The following STAG1 variants were observed in gnomAD, a reference collection of about 807,000 sequenced individuals.
The protein encoded by STAG1 is STAG1 cohesin complex component.
Under a neutral mutation model 170.9 loss-of-function variants are expected in STAG1, and 26 were observed. The ratio of observed to expected loss-of-function variants is 0.15; its 90% CI spans 0.11 to 0.21. The LOEUF is 0.21. STAG1 is among the 10% of genes least tolerant of loss of function. The probability of loss-of-function intolerance (pLI) is 1.00; values close to 1 mark genes in which losing one functional copy is unlikely to be tolerated. For synonymous variants in STAG1, 514 were observed against 497.7 expected, an observed-to-expected ratio of 1.03 and a Z score of -0.44; for missense variants, 964 against 1,509.5, an observed-to-expected ratio of 0.64 and a Z score of 5.99.
At chr3:136,474,947 A>T (rs1357656308) in intron 10 of STAG1, among the ~76,000 whole-genome samples, 1 of 152,024 alleles carries the variant, frequency 6.6e-6, no homozygotes, top group Non-Finnish European at 1.5e-5. Context: ...GTTGAGGCCC[A>T]TAGCCAGTAA....
chr3:136,628,049 C>T (rs113435786), intron 2 of STAG1, among the ~76,000 whole-genome samples: 177 of 152,286 alleles, frequency 1.2e-3, no homozygotes, highest in African/African-American at 2.5e-3. Flanking sequence ...TCATCTCGAA[C>T]TGTAATCCCC....
chr3:136,650,453 A>G (rs1335401520), intron 1 of STAG1, among the ~76,000 whole-genome samples: 4 of 152,182 alleles, frequency 2.6e-5, no homozygotes, highest in Non-Finnish European at 5.9e-5. Context: ...CATACATACT[A>G]CAAGTATTAC....
intron 3 of STAG1, among the ~76,000 whole-genome samples, chr3:136,622,107 G>A (rs1413002766): frequency 7.1e-6 from 1 of 140,266 alleles, no homozygotes; most frequent in Non-Finnish European, 1.5e-5. Context: ...AGACCAGCCT[G>A]GCCAACATGA....
chr3:136,595,239 G>C (rs1938370419), intron 4 of STAG1, among the ~76,000 whole-genome samples: 1 of 152,130 alleles, frequency 6.6e-6, no homozygotes, highest in Non-Finnish European at 1.5e-5. Context: ...AGATCTAAAA[G>C]TCAGGATGTC....
intron 21 of STAG1, among the ~76,000 whole-genome samples, chr3:136,414,820 T>C (rs1245361051): frequency 6.6e-6 from 1 of 152,144 alleles, no homozygotes; most frequent in Admixed American, 6.6e-5. Context: ...ATGAGAGAAG[T>C]GTGACTCTTC....
At chr3:136,407,744 G>A (rs912319373) in intron 21 of STAG1, among the ~76,000 whole-genome samples, 3 of 152,040 alleles carry the variant, frequency 2.0e-5, no homozygotes, top group African/African-American at 4.8e-5. Context: ...TTACAAGCAT[G>A]AGTCACTGTG....
intron 6 of STAG1, among the ~76,000 whole-genome samples, chr3:136,540,576 C>G (rs1935841287): frequency 6.6e-6 from 1 of 151,794 alleles, no homozygotes; most frequent in Non-Finnish European, 1.5e-5. Flanking sequence ...AATTCGAGCA[C>G]TTTGGGAGGC....
Position 136,724,418 on chromosome 3 carries a change from G to C in STAG1, c.-84+27777C>G, listed in dbSNP as rs529189834. Among the ~76,000 whole-genome samples, 8 of 151,314 alleles carry C rather than the reference G, an allele frequency of 5.3e-5. No homozygotes were observed. The East Asian group carries it at 1.4e-3, about 26-fold the overall frequency. ...TGCTTGAAGGCAGCATGCTCGTTAA[G>C]AGTCATCACCACTCCCTAATCTCAA... On this transcript the variant is annotated intron_variant, in intron 1 of 33. Transcript: ENST00000383202.
intron 9 of STAG1, among the ~76,000 whole-genome samples, chr3:136,485,082 C>A (rs928061869): frequency 1.3e-5 from 2 of 152,170 alleles, no homozygotes; most frequent in African/African-American, 4.8e-5. Flanking sequence ...TGTTCCTATT[C>A]GGCCATCTTG....
intron 1 of STAG1, chr3:136,736,734 C>T: frequency 5.0e-6 from 8 of 1,602,140 alleles, no homozygotes; most frequent in Non-Finnish European, 6.0e-6. Flanking sequence ...CTTTTAATTT[C>T]CAGCTCAGCA....
At chr3:136,669,209 A>C (rs986984444) in intron 1 of STAG1, among the ~76,000 whole-genome samples, 1 of 152,212 alleles carries the variant, frequency 6.6e-6, no homozygotes, top group Non-Finnish European at 1.5e-5. Context: ...TGTATTTAGA[A>C]TCCACTTGCC....
At chr3:136,404,418 A>T (rs1416957580) in intron 21 of STAG1, among the ~76,000 whole-genome samples, 1 of 152,094 alleles carries the variant, frequency 6.6e-6, no homozygotes, top group Non-Finnish European at 1.5e-5. Flanking sequence ...CTATCTTTTT[A>T]TCTTCTCCTG....
chr3:136,466,323 T>C (rs981143678), intron 12 of STAG1, among the ~76,000 whole-genome samples: 2 of 152,154 alleles, frequency 1.3e-5, no homozygotes, highest in African/African-American at 4.8e-5. Context: ...CTGATGGAGC[T>C]GAAAACCATG....
chr3:136,373,990 G>T (rs1188677759), intron 23 of STAG1, among the ~76,000 whole-genome samples: 8 of 152,092 alleles, frequency 5.3e-5, no homozygotes, highest in African/African-American at 1.9e-4. Context: ...CTCTTTGTAG[G>T]TCACTAAGGA....
At chr3:136,515,858 C>T (rs1159139467) in intron 7 of STAG1, among the ~76,000 whole-genome samples, 2 of 151,628 alleles carry the variant, frequency 1.3e-5, no homozygotes, top group African/African-American at 4.8e-5. Flanking sequence ...GGCATTAATC[C>T]CACGAGAACA....
chr3:136,551,900 G>C (rs931642361), intron 5 of STAG1, among the ~76,000 whole-genome samples: 1 of 151,966 alleles, frequency 6.6e-6, no homozygotes, highest in South Asian at 2.1e-4. Flanking sequence ...TGGCCTACTT[G>C]AGAGAAAGAC....
chr3:136,684,136 C>T (rs1455436832), intron 1 of STAG1, among the ~76,000 whole-genome samples: 2 of 152,172 alleles, frequency 1.3e-5, no homozygotes, highest in Non-Finnish European at 2.9e-5. Context: ...ATAATCCCAA[C>T]CAAAATCCTA....
intron 1 of STAG1, among the ~76,000 whole-genome samples, chr3:136,698,595 A>T (rs1294912712): frequency 6.6e-6 from 1 of 152,206 alleles, no homozygotes; most frequent in Non-Finnish European, 1.5e-5. Context: ...GAGATTACTT[A>T]AACAAAAGTA....
At chr3:136,446,655 T>C (rs1203183447) in intron 14 of STAG1, among the ~76,000 whole-genome samples, 1 of 151,988 alleles carries the variant, frequency 6.6e-6, no homozygotes, top group African/African-American at 2.4e-5. Context: ...ACTCCTGACC[T>C]CAAGTGATCC....
Sources: allele counts gnomAD v4.1 joint callset (sites outside exome capture counted in the v4.1 genomes callset), GRCh38; gene constraint gnomAD v4.1.1; transcripts MANE v1.5; gene names NCBI Gene and HGNC (gene_info 2026-07-23, HGNC 2026-07-21).